The following BMPR1B variants were observed in gnomAD, a reference collection of about 807,000 sequenced individuals.
The protein encoded by BMPR1B is bone morphogenetic protein receptor type 1B, also known as bone morphogenetic protein receptor type-1B.
Under a neutral mutation model 59.1 loss-of-function variants are expected in BMPR1B, and 12 were observed. The observed-to-expected ratio is 0.20, with a 90% CI of 0.13 to 0.33. The LOEUF (loss-of-function observed/expected upper bound fraction) is 0.33. BMPR1B is among the 10% of genes least tolerant of loss of function. The pLI is 1.00. For synonymous variants in BMPR1B, 237 were observed against 207.3 expected (o/e 1.14, Z -1.23); for missense variants, 550 against 610.9 (o/e 0.90, Z 1.05).
intron 1 of BMPR1B, among the ~76,000 whole-genome samples, chr4:94,842,119 A>T (rs1385953652): frequency 6.6e-6 from 1 of 152,148 alleles, no homozygotes; most frequent in Non-Finnish European, 1.5e-5. Flanking sequence ...CTGAAGCACA[A>T]ATTATTTTTT....
At chr4:95,132,224 G>A (rs1733410585) in intron 10 of BMPR1B, among the ~76,000 whole-genome samples, 3 of 152,154 alleles carry the variant, frequency 2.0e-5, no homozygotes, top group Admixed American at 6.5e-5. Context: ...CAAACCACTG[G>A]TGTAGAGAAA....
At chr4:95,142,912 T>C (rs1445518943) in intron 10 of BMPR1B, among the ~76,000 whole-genome samples, 1 of 152,046 alleles carries the variant, frequency 6.6e-6, no homozygotes, top group Non-Finnish European at 1.5e-5. Flanking sequence ...TAATATATTA[T>C]GAGGCTGAAG....
chr4:95,091,677 C>A, intron 3 of BMPR1B: 1 of 979,950 alleles, frequency 1.0e-6, no homozygotes, highest in Non-Finnish European at 1.2e-6. Flanking sequence ...TTTTTTTTTC[C>A]CTCCAAAAAA....
At chr4:94,990,585 T>C (rs1464708284) in intron 2 of BMPR1B, among the ~76,000 whole-genome samples, 1 of 152,188 alleles carries the variant, frequency 6.6e-6, no homozygotes, top group Non-Finnish European at 1.5e-5. Context: ...GGAAACTAAG[T>C]CACATATGTA....
intron 2 of BMPR1B, among the ~76,000 whole-genome samples, chr4:94,934,016 AC>A (rs1293529883): frequency 1.3e-5 from 2 of 152,088 alleles, no homozygotes; most frequent in African/African-American, 4.8e-5. Flanking sequence ...TTTTAGATAC[AC>A]CCTGCAGTAG....
At chr4:94,841,628 C>A (rs980555074) in intron 1 of BMPR1B, among the ~76,000 whole-genome samples, 6 of 152,286 alleles carry the variant, frequency 3.9e-5, no homozygotes, top group Non-Finnish European at 7.4e-5. Context: ...GGCTCGCACA[C>A]GGTGCGCGCA....
intron 2 of BMPR1B, among the ~76,000 whole-genome samples, chr4:94,931,286 A>G (rs1729083248): frequency 6.6e-6 from 1 of 152,200 alleles, no homozygotes; most frequent in Admixed American, 6.5e-5. Flanking sequence ...TCATAATAAT[A>G]GAGCAAAATA....
chr4:94,981,433 T>C (rs1158734249), intron 2 of BMPR1B, among the ~76,000 whole-genome samples: 3 of 152,188 alleles, frequency 2.0e-5, no homozygotes, highest in Non-Finnish European at 4.4e-5. Flanking sequence ...TTAGCATATT[T>C]TAATATTTCT....
rs201063476 is a variant in BMPR1B, at chr4:94,892,716, C to G, written c.-113+16816C>G. Among the ~76,000 whole-genome samples the G allele has an allele frequency of 1.4e-4, 21 of 152,112 alleles. No homozygotes were observed. In the East Asian group the frequency reaches 2.7e-3, roughly 20 times the overall value. The stretch of plus-strand genomic sequence containing the variant: ...TTTAGTGAGAGATGGAGAAATATCC[C>G]AGATCATTTTCTCAGGTTTCATTTA... On this transcript the variant is annotated intron_variant, in intron 2 of 12. Coordinates refer to ENST00000515059, the MANE Select transcript of BMPR1B (RefSeq NM_001203.3).
intron 2 of BMPR1B, among the ~76,000 whole-genome samples, chr4:94,882,837 A>G (rs1029220897): frequency 9.2e-5 from 14 of 152,220 alleles, no homozygotes; most frequent in African/African-American, 3.1e-4. Context: ...ATGGTTTACA[A>G]CATTATCATT....
At chr4:95,114,670 T>C (rs760099912) in intron 4 of BMPR1B, 50 bp from the exon 5 acceptor site, 10 of 1,265,338 alleles carry the variant, frequency 7.9e-6, no homozygotes, top group Non-Finnish European at 1.0e-5. Flanking sequence ...ACACACACAC[T>C]GACTCACACA....
intron 1 of BMPR1B, among the ~76,000 whole-genome samples, chr4:94,824,014 G>A (rs1413933063): frequency 6.6e-6 from 1 of 152,128 alleles, no homozygotes; most frequent in Non-Finnish European, 1.5e-5. Flanking sequence ...CCAAAGTGCT[G>A]GGATTACAGG....
At chr4:94,828,748 C>T (rs1353542047) in intron 1 of BMPR1B, among the ~76,000 whole-genome samples, 2 of 151,960 alleles carry the variant, frequency 1.3e-5, no homozygotes, top group Admixed American at 6.6e-5. Flanking sequence ...TGGACCCCAC[C>T]CCAAACCTAT....
rs373089667 is a variant in BMPR1B at position 94,774,576 on chromosome 4, C to T, written c.-183+16508C>T. Among the ~76,000 whole-genome samples, 14 of 151,874 alleles carry T rather than the reference C, an allele frequency of 9.2e-5. No homozygotes were observed. The South Asian group carries it at 1.7e-3, about 18-fold the overall frequency. Reference sequence around the variant, plus strand: ...GTATAAGTTTATTTATGAATTTTTTCTTCTTGTGCTTTTCTGTTTCTTTGG... The same window carrying T: ...GTATAAGTTTATTTATGAATTTTTTTTTCTTGTGCTTTTCTGTTTCTTTGG... On this transcript the variant is annotated intron_variant, in intron 1 of 12. Coordinates refer to ENST00000515059, the MANE Select transcript of BMPR1B (RefSeq NM_001203.3).
At chr4:95,076,378 G>T (rs1404183753) in intron 3 of BMPR1B, among the ~76,000 whole-genome samples, 1 of 151,966 alleles carries the variant, frequency 6.6e-6, no homozygotes, top group African/African-American at 2.4e-5. Flanking sequence ...TTTATACTTA[G>T]AAATTTAAAT....
At chr4:95,110,240 A>G (rs1731532163) in intron 4 of BMPR1B, among the ~76,000 whole-genome samples, 1 of 151,996 alleles carries the variant, frequency 6.6e-6, no homozygotes, top group South Asian at 2.1e-4. Context: ...CAGAGCTGTC[A>G]AGGTGAGATG....
chr4:95,114,642 CT>C (rs1476146290), intron 4 of BMPR1B, 77 bp from the exon 5 acceptor site: 4 of 1,071,566 alleles, frequency 3.7e-6, no homozygotes, highest in African/African-American at 3.4e-5. Flanking sequence ...TCCTTTTCCC[CT>C]AGACACACAC....
At chr4:94,908,075 A>G (rs1560541751) in intron 2 of BMPR1B, among the ~76,000 whole-genome samples, 2 of 130,000 alleles carry the variant, frequency 1.5e-5, no homozygotes, top group African/African-American at 7.0e-5. Context: ...AAAAAAAAAA[A>G]AAAAAAAAAA....
intron 1 of BMPR1B, among the ~76,000 whole-genome samples, chr4:94,834,852 A>G (rs1724739538): frequency 6.6e-6 from 1 of 152,010 alleles, no homozygotes; most frequent in Non-Finnish European, 1.5e-5. Context: ...AATATATTTA[A>G]TAAGTTCTTT....
Sources: gnomAD v4.1 joint callset for allele counts (sites outside exome capture counted in the v4.1 genomes callset) on GRCh38, gnomAD v4.1.1 for gene constraint, MANE v1.5 for transcripts, NCBI Gene and HGNC (gene_info 2026-07-23, HGNC 2026-07-21) for gene names.